Variants in RSF1 observed in about 807,000 individuals in gnomAD.
RSF1 encodes the protein HBV pX-associated protein 8.
Under a neutral mutation model 145.2 loss-of-function variants are expected in RSF1, and 13 were observed. The ratio of observed to expected loss-of-function variants is 0.09; its 90% CI spans 0.06 to 0.14. The LOEUF is 0.14. Among genes scored for constraint, RSF1 ranks in the 10% least tolerant of loss-of-function variants. The probability of loss-of-function intolerance (pLI) is 1.00; values close to 1 mark genes in which losing one functional copy is unlikely to be tolerated. For synonymous variants in RSF1, 577 were observed against 592.6 expected (o/e 0.97, Z 0.38); for missense variants, 1,517 against 1,718.2 (o/e 0.88, Z 2.07).
At chr11:77,742,981 C>A (rs1947957800) in intron 3 of RSF1, among the ~76,000 whole-genome samples, 1 of 152,188 alleles carries the variant, frequency 6.6e-6, no homozygotes, top group South Asian at 2.1e-4. Context: ...TTTCCCAGCA[C>A]CATTTATTGA....
the RSF1 span, among the ~76,000 whole-genome samples, chr11:77,834,844 T>A: frequency 6.6e-6 from 1 of 152,202 alleles, no homozygotes; most frequent in East Asian, 1.9e-4. Context: ...TCTGATGGCT[T>A]TAGTTTCAAA....
intron 13 of RSF1, among the ~76,000 whole-genome samples, chr11:77,676,244 T>C (rs1959697730): frequency 6.6e-6 from 1 of 152,206 alleles, no homozygotes; most frequent in Non-Finnish European, 1.5e-5. Context: ...CTAATTTATC[T>C]TTCCCTGTAT....
intron 1 of RSF1, among the ~76,000 whole-genome samples, chr11:77,779,404 T>C (rs1050037014): frequency 4.3e-4 from 64 of 149,360 alleles, no homozygotes; most frequent in East Asian, 2.4e-3. Context: ...TTTTTTGAGA[T>C]GGAGTTTCAC....
chr11:77,756,377 GA>G (rs913465322), intron 2 of RSF1, among the ~76,000 whole-genome samples: 1 of 143,946 alleles, frequency 6.9e-6, no homozygotes, highest in Non-Finnish European at 1.5e-5. Context: ...AAAAAAAAAA[GA>G]AAAACTTTTC....
intron 3 of RSF1, among the ~76,000 whole-genome samples, chr11:77,743,841 T>C (rs1565167351): frequency 1.3e-5 from 2 of 152,204 alleles, no homozygotes; most frequent in Admixed American, 6.5e-5. Flanking sequence ...ACATGTAAGC[T>C]GAGGGGTTGT....
intron 7 of RSF1, among the ~76,000 whole-genome samples, chr11:77,696,241 A>G (rs1290069448): frequency 6.6e-6 from 1 of 152,250 alleles, no homozygotes; most frequent in Non-Finnish European, 1.5e-5. Flanking sequence ...CAGTAAAGGC[A>G]AAGTCTCACT....
chr11:77,782,137 C>T (rs1399062712), intron 1 of RSF1, among the ~76,000 whole-genome samples: 1 of 152,138 alleles, frequency 6.6e-6, no homozygotes, highest in East Asian at 1.9e-4. Flanking sequence ...CTGGGTCTTT[C>T]TTTTCTATCC....
intron 2 of RSF1, among the ~76,000 whole-genome samples, chr11:77,759,911 T>C (rs910578763): frequency 4.0e-5 from 6 of 149,910 alleles, no homozygotes; most frequent in African/African-American, 1.5e-4. Flanking sequence ...TCAAATGTTA[T>C]CTATTATCAT....
intron 1 of RSF1, among the ~76,000 whole-genome samples, chr11:77,771,584 G>C (rs1948286374): frequency 1.3e-5 from 2 of 152,166 alleles, no homozygotes; most frequent in Non-Finnish European, 2.9e-5. Flanking sequence ...AAAGTTTCAA[G>C]ATTTAAGTTT....
chr11:77,830,767 A>G, the RSF1 span, among the ~76,000 whole-genome samples: 1 of 152,114 alleles, frequency 6.6e-6, no homozygotes, highest in African/African-American at 2.4e-5. Context: ...CAAAGAAAAT[A>G]TACAAATAGC....
the RSF1 span, among the ~76,000 whole-genome samples, chr11:77,867,913 CAA>C: frequency 6.6e-6 from 1 of 152,160 alleles, no homozygotes; most frequent in Non-Finnish European, 1.5e-5. Flanking sequence ...AAAAAAGTAA[CAA>C]TATAGAGATT....
chr11:77,685,854 T>G (rs191290241), intron 9 of RSF1, among the ~76,000 whole-genome samples: 1 of 152,186 alleles, frequency 6.6e-6, no homozygotes, highest in Non-Finnish European at 1.5e-5. Flanking sequence ...TTTGGGTGTA[T>G]GTATAAACAA....
intron 5 of RSF1, among the ~76,000 whole-genome samples, chr11:77,713,438 G>A (rs555256444): frequency 6.6e-6 from 1 of 151,944 alleles, no homozygotes; most frequent in Non-Finnish European, 1.5e-5. Flanking sequence ...TCCTTCCCTT[G>A]TAAGTCATTT....
At chr11:77,672,637 A>G (rs1959587578) in intron 14 of RSF1, among the ~76,000 whole-genome samples, 1 of 151,908 alleles carries the variant, frequency 6.6e-6, no homozygotes, top group African/African-American at 2.4e-5. Context: ...CTCACAATAT[A>G]TACTCTTAGC....
chr11:77,742,698 C>T (rs1947954539), intron 3 of RSF1, among the ~76,000 whole-genome samples: 3 of 152,150 alleles, frequency 2.0e-5, no homozygotes, highest in South Asian at 2.1e-4. Context: ...AATGCATTAC[C>T]CTGATAATTA....
intron 10 of RSF1, among the ~76,000 whole-genome samples, chr11:77,684,557 G>A (rs1260914196): frequency 6.6e-6 from 1 of 152,100 alleles, no homozygotes; most frequent in Non-Finnish European, 1.5e-5. Context: ...TACTCCAAAG[G>A]TAAAAGCTGT....
chr11:77,720,080 T>TACTAAAATC (rs1285899631), intron 5 of RSF1, among the ~76,000 whole-genome samples: 3 of 152,224 alleles, frequency 2.0e-5, no homozygotes, highest in Non-Finnish European at 4.4e-5. Context: ...GCTGTGAATA[T>TACTAAAATC]ACTAAAATCA....
At chr11:77,748,129 AT>A (rs1948021350) in intron 2 of RSF1, among the ~76,000 whole-genome samples, 1 of 151,858 alleles carries the variant, frequency 6.6e-6, no homozygotes, top group African/African-American at 2.4e-5. Context: ...CTTTTCATCG[AT>A]TTGTGCAATA....
At chr11:77,806,607 G>T (rs1328631712) in intron 1 of RSF1, among the ~76,000 whole-genome samples, 1 of 151,972 alleles carries the variant, frequency 6.6e-6, no homozygotes, top group African/African-American at 2.4e-5. Flanking sequence ...CTTGAGTCCA[G>T]GAGTTCTGTG....
Sources: allele counts gnomAD v4.1 joint callset (sites outside exome capture counted in the v4.1 genomes callset), GRCh38; gene constraint gnomAD v4.1.1; transcripts MANE v1.5; gene names NCBI Gene and HGNC (gene_info 2026-07-23, HGNC 2026-07-21).